The following ARHGEF3 variants were observed in gnomAD, a reference collection of about 807,000 sequenced individuals.
ARHGEF3 encodes the protein 59.8 kDA protein.
ARHGEF3 carries 28 observed loss-of-function variants against 63.2 expected under a neutral mutation model. That is an observed-to-expected ratio of 0.44 (90% CI 0.33 to 0.61). ARHGEF3 has a LOEUF of 0.61. Among genes scored for constraint, ARHGEF3 ranks in the 20% least tolerant of loss-of-function variants. ARHGEF3 has a pLI of 0.03. For missense variants in ARHGEF3, 533 were observed against 659.3 expected (o/e 0.81, Z 2.10); for synonymous variants, 266 against 254.2 (o/e 1.05, Z -0.44).
intron 4 of ARHGEF3, among the ~76,000 whole-genome samples, chr3:56,813,954 G>A (rs1280173606): frequency 6.6e-6 from 1 of 152,096 alleles, no homozygotes; most frequent in Admixed American, 6.6e-5. Flanking sequence ...GTCCTGAAGT[G>A]GCCAAGCATC....
At chr3:56,882,480 T>A in intron 3 of ARHGEF3, 1 of 686,068 alleles carries the variant, frequency 1.5e-6, no homozygotes. Context: ...ACCCAAAACC[T>A]TTAACCAAGC....
At chr3:56,956,607 G>T (rs1700054526) in intron 3 of ARHGEF3, among the ~76,000 whole-genome samples, 1 of 152,222 alleles carries the variant, frequency 6.6e-6, no homozygotes, top group Admixed American at 6.5e-5. Flanking sequence ...AATTGTCCCA[G>T]TTAGCCTGGT....
At chr3:56,766,330 T>C (rs1265804632) in intron 2 of ARHGEF3, among the ~76,000 whole-genome samples, 1 of 152,208 alleles carries the variant, frequency 6.6e-6, no homozygotes, top group Non-Finnish European at 1.5e-5. Flanking sequence ...GGCCAGAGGA[T>C]GGAGCAATGA....
chr3:56,897,885 A>AT (rs1005667654), intron 3 of ARHGEF3, among the ~76,000 whole-genome samples: 5 of 150,930 alleles, frequency 3.3e-5, no homozygotes, highest in Non-Finnish European at 4.4e-5. Flanking sequence ...TTATTTATGT[A>AT]TTTTTTATTT....
At chr3:57,013,907 G>C (rs1702820100) in intron 2 of ARHGEF3, among the ~76,000 whole-genome samples, 1 of 152,214 alleles carries the variant, frequency 6.6e-6, no homozygotes, top group Admixed American at 6.5e-5. Flanking sequence ...AAAGCAGGCT[G>C]CCGGAGCCAG....
chr3:56,953,913 G>A (rs1398445019), intron 3 of ARHGEF3, among the ~76,000 whole-genome samples: 1 of 152,134 alleles, frequency 6.6e-6, no homozygotes, highest in Non-Finnish European at 1.5e-5. Flanking sequence ...AGTCACATAA[G>A]CAACCAATTC....
At chr3:56,917,772 A>G (rs561937278) in intron 3 of ARHGEF3, among the ~76,000 whole-genome samples, 76 of 152,332 alleles carry the variant, frequency 5.0e-4, no homozygotes, top group African/African-American at 1.8e-3. Flanking sequence ...GGAAGACACC[A>G]AGTACTTTAA....
At chr3:56,934,081 A>G (rs1481724577) in intron 3 of ARHGEF3, among the ~76,000 whole-genome samples, 3 of 152,226 alleles carry the variant, frequency 2.0e-5, no homozygotes, top group African/African-American at 7.2e-5. Context: ...GAGTCAGTTA[A>G]ACCTCTTTTC....
chr3:56,738,602 T>C (rs550436696), intron 7 of ARHGEF3, among the ~76,000 whole-genome samples: 1 of 152,140 alleles, frequency 6.6e-6, no homozygotes. Context: ...CTAGAGCACA[T>C]GTGAGTGACT....
chr3:56,842,303 T>A (rs1329734531), intron 4 of ARHGEF3, among the ~76,000 whole-genome samples: 4 of 152,190 alleles, frequency 2.6e-5, no homozygotes, highest in African/African-American at 9.7e-5. Flanking sequence ...TTAGAAAAAA[T>A]TGTCCAGCTA....
chr3:56,858,098 G>A (rs917934979), intron 4 of ARHGEF3, among the ~76,000 whole-genome samples: 1 of 151,882 alleles, frequency 6.6e-6, no homozygotes, highest in Non-Finnish European at 1.5e-5. Context: ...ACAAAAATTA[G>A]CCAGGCATGG....
At chr3:57,044,140 C>T (rs926686192) in intron 1 of ARHGEF3, among the ~76,000 whole-genome samples, 1 of 152,256 alleles carries the variant, frequency 6.6e-6, no homozygotes, top group African/African-American at 2.4e-5. Context: ...TCCCCAACTG[C>T]ACCAGGCTGT....
chr3:56,797,727 T>C (rs1056935322), intron 1 of ARHGEF3, among the ~76,000 whole-genome samples: 1 of 152,176 alleles, frequency 6.6e-6, no homozygotes, highest in Admixed American at 6.5e-5. Flanking sequence ...GGCAGGAGCA[T>C]AGGGTTCACC....
intron 4 of ARHGEF3, among the ~76,000 whole-genome samples, chr3:56,877,432 C>G (rs73084272): frequency 0.046 from 6,917 of 149,000 alleles, 175 homozygotes; most frequent in Non-Finnish European, 0.059. Flanking sequence ...TGGAGTGCAG[C>G]AGCACAATCA....
intron 3 of ARHGEF3, among the ~76,000 whole-genome samples, chr3:56,897,752 A>C (rs1043032116): frequency 6.6e-6 from 1 of 151,752 alleles, no homozygotes; most frequent in African/African-American, 2.4e-5. Flanking sequence ...TTTTTAGTAG[A>C]GATGGGTTTT....
intron 3 of ARHGEF3, among the ~76,000 whole-genome samples, chr3:56,883,590 C>A (rs934496538): frequency 6.6e-6 from 1 of 152,166 alleles, no homozygotes; most frequent in Non-Finnish European, 1.5e-5. Flanking sequence ...AACCATTGAG[C>A]CTGGCCTTTT....
upstream of ARHGEF3, among the ~76,000 whole-genome samples, chr3:56,805,867 G>A (rs1441829918): frequency 6.6e-6 from 1 of 152,128 alleles, no homozygotes; most frequent in African/African-American, 2.4e-5. Flanking sequence ...TCTCTTGGGT[G>A]GTCTGATTCT....
intron 2 of ARHGEF3, among the ~76,000 whole-genome samples, chr3:57,029,554 G>A (rs1213658606): frequency 6.6e-6 from 1 of 152,180 alleles, no homozygotes; most frequent in Non-Finnish European, 1.5e-5. Context: ...GTAGGGAGCT[G>A]CCCTCCCTTA....
At chr3:57,071,764 T>C (rs981765654) in intron 1 of ARHGEF3, among the ~76,000 whole-genome samples, 4 of 148,820 alleles carry the variant, frequency 2.7e-5, no homozygotes, top group African/African-American at 7.4e-5. Context: ...CCAAGAAAAA[T>C]AGATAAATTG....
Sources: gnomAD v4.1 joint callset for allele counts (sites outside exome capture counted in the v4.1 genomes callset) on GRCh38, gnomAD v4.1.1 for gene constraint, MANE v1.5 for transcripts, NCBI Gene and HGNC (gene_info 2026-07-23, HGNC 2026-07-21) for gene names.